The following FAM184B variants were observed in gnomAD, a reference collection of about 807,000 sequenced individuals.
FAM184B encodes protein FAM184B.
FAM184B carries 111 observed loss-of-function variants against 135.9 expected under a neutral mutation model. The observed-to-expected ratio is 0.82, with a 90% CI of 0.70 to 0.96. FAM184B has a LOEUF of 0.96. Among genes scored for constraint, FAM184B ranks in the 40% least tolerant of loss-of-function variants. FAM184B has a pLI of 0.00. For synonymous variants in FAM184B, 552 were observed against 524.8 expected (o/e 1.05, Z -0.71); for missense variants, 1,375 against 1,323.9 (o/e 1.04, Z -0.60).
intron 5 of FAM184B, among the ~76,000 whole-genome samples, chr4:17,699,362 G>A (rs1328987430): frequency 1.3e-5 from 2 of 151,958 alleles, no homozygotes; most frequent in Non-Finnish European, 2.9e-5. Flanking sequence ...GATTCAATGA[G>A]CCTATAACAA....
At chr4:17,773,332 G>C (rs1718859366) in intron 1 of FAM184B, among the ~76,000 whole-genome samples, 1 of 152,216 alleles carries the variant, frequency 6.6e-6, no homozygotes, top group Admixed American at 6.5e-5. Flanking sequence ...ACTTGACTCA[G>C]CATTTGCTCT....
At chr4:17,635,624 T>A (rs1216860012) in intron 15 of FAM184B, among the ~76,000 whole-genome samples, 1 of 151,998 alleles carries the variant, frequency 6.6e-6, no homozygotes, top group Non-Finnish European at 1.5e-5. Flanking sequence ...TATTACATAA[T>A]TTTTCTCTGT....
chr4:17,704,357 G>A (rs1717059539), intron 5 of FAM184B, among the ~76,000 whole-genome samples: 1 of 152,182 alleles, frequency 6.6e-6, no homozygotes, highest in South Asian at 2.1e-4. Context: ...GAGGGAGAGT[G>A]GAACAGCACA....
intron 1 of FAM184B, among the ~76,000 whole-genome samples, chr4:17,745,524 C>T (rs979909273): frequency 2.0e-5 from 3 of 152,190 alleles, no homozygotes; most frequent in African/African-American, 4.8e-5. Flanking sequence ...CTGGCCTGGC[C>T]AAGACCCTTT....
chr4:17,635,908 AAAG>A (rs1401527163), intron 15 of FAM184B, among the ~76,000 whole-genome samples: 2 of 152,174 alleles, frequency 1.3e-5, no homozygotes, highest in African/African-American at 4.8e-5. Flanking sequence ...ATTTTTACAA[AAAG>A]AAGATCAACA....
At chr4:17,769,294 A>T (rs998220796) in intron 1 of FAM184B, among the ~76,000 whole-genome samples, 6 of 152,206 alleles carry the variant, frequency 3.9e-5, no homozygotes, top group Non-Finnish European at 7.3e-5. Context: ...AGGGGAAATC[A>T]TCTAGTAGGG....
intron 5 of FAM184B, among the ~76,000 whole-genome samples, chr4:17,697,763 G>A (rs1458121842): frequency 6.6e-6 from 1 of 152,166 alleles, no homozygotes; most frequent in African/African-American, 2.4e-5. Context: ...TAGCATAAAG[G>A]AATGGCTATT....
chr4:17,644,030 C>G (rs939226964), intron 12 of FAM184B, among the ~76,000 whole-genome samples: 1 of 152,162 alleles, frequency 6.6e-6, no homozygotes, highest in Non-Finnish European at 1.5e-5. Context: ...CCAGGGAAGG[C>G]CCCCAGCATG....
Position 17,781,252 on chromosome 4 carries a change from C to T in FAM184B, c.48G>A (p.Gln16=), listed in dbSNP as rs1407639695. The change falls in exon 1 of 18, where the codon CAG becomes CAA. Residue 16 remains glutamine, a synonymous_variant. Transcript: ENST00000265018. This position sits in a 1 kb window ranked among gnomAD's most constrained non-coding sequence, Gnocchi z 6.5. ...NSKINPPGTC[Q]GSKADGGAGW... ...CGGCGCCACCGTCGGCTTTGGAGCC[C>T]TGGCAAGTGCCGGGCGGGTTAATTT... is the stretch of plus-strand genomic sequence containing the variant. 2 of 1,550,796 alleles carry T rather than the reference C, an allele frequency of 1.3e-6. No homozygotes were observed. Among genetic ancestry groups the T allele is most frequent in the African/African-American group, 2.7e-5 (2 of 73,160 alleles).
At chr4:17,690,825 G>T (rs146221742) in intron 6 of FAM184B, among the ~76,000 whole-genome samples, 165 of 152,244 alleles carry the variant, frequency 1.1e-3, no homozygotes, top group African/African-American at 3.9e-3. Flanking sequence ...AAGGCTTAAG[G>T]CGTAGGACCC....
At chr4:17,689,528 A>G (rs1445158364) in intron 6 of FAM184B, among the ~76,000 whole-genome samples, 1 of 152,176 alleles carries the variant, frequency 6.6e-6, no homozygotes, top group Non-Finnish European at 1.5e-5. Flanking sequence ...AGGGAGATAG[A>G]TAAATGTTTA....
chr4:17,701,554 C>T (rs1447717730), intron 5 of FAM184B, among the ~76,000 whole-genome samples: 1 of 152,160 alleles, frequency 6.6e-6, no homozygotes, highest in African/African-American at 2.4e-5. Flanking sequence ...GGATCAGAGC[C>T]CTCCTCTTAT....
intron 7 of FAM184B, among the ~76,000 whole-genome samples, chr4:17,673,163 A>G (rs1160413533): frequency 1.3e-5 from 2 of 152,192 alleles, no homozygotes; most frequent in African/African-American, 2.4e-5. Flanking sequence ...GTGGCCAACA[A>G]ACCTATGAAA....
chr4:17,690,916 C>A (rs546616694), intron 6 of FAM184B, among the ~76,000 whole-genome samples: 1 of 152,118 alleles, frequency 6.6e-6, no homozygotes, highest in Non-Finnish European at 1.5e-5. Context: ...GGAGAAGAGA[C>A]TATGATCAAG....
At chr4:17,699,239 G>A (rs889509900) in intron 5 of FAM184B, among the ~76,000 whole-genome samples, 43 of 151,956 alleles carry the variant, frequency 2.8e-4, no homozygotes, top group South Asian at 2.1e-4. Context: ...ATCTGAAAAC[G>A]AAGAGAACCT....
intron 1 of FAM184B, among the ~76,000 whole-genome samples, chr4:17,744,485 ACACAC>A (rs1421716076): frequency 7.0e-6 from 1 of 142,968 alleles, no homozygotes; most frequent in South Asian, 2.3e-4. Context: ...ACACACACAC[ACACAC>A]CACACACACA....
intron 8 of FAM184B, among the ~76,000 whole-genome samples, chr4:17,663,615 A>T (rs67455495): frequency 0.3 from 45,627 of 150,498 alleles, 7,500 homozygotes; most frequent in South Asian, 0.37. Flanking sequence ...TCCCATTCAC[A>T]ACACACACAC....
In FAM184B at chr4:17,766,497, C is replaced by G. The variant is rs561584394; in HGVS notation, c.141+14662G>C. Among the ~76,000 whole-genome samples, 1,193 of 152,004 alleles carry G rather than the reference C, an allele frequency of 7.8e-3. 18 individuals are homozygous for G. The highest frequency in any genetic ancestry group is 0.027 in the African/African-American group (1,137 of 41,436). ...GCATTTACAAACCTTGAGCTAGACG[C>G]AGAATGCTGATTGGTGTATTTACAA... is the stretch of plus-strand genomic sequence containing the variant. On this transcript the variant is annotated intron_variant, in intron 1 of 17. Transcript: ENST00000265018.
chr4:17,659,482 A>C (rs1352305137), intron 9 of FAM184B, among the ~76,000 whole-genome samples: 1 of 150,812 alleles, frequency 6.6e-6, no homozygotes, highest in Non-Finnish European at 1.5e-5. Context: ...TCATTAGCAC[A>C]ACAGGTTTTT....
Sources: gnomAD v4.1 joint callset for allele counts (sites outside exome capture counted in the v4.1 genomes callset) on GRCh38, gnomAD v4.1.1 for gene constraint, Gnocchi (gnomAD v3.1) non-coding constraint, MANE v1.5 for transcripts, NCBI Gene and HGNC (gene_info 2026-07-23, HGNC 2026-07-21) for gene names.